The following SGCD variants were observed in gnomAD, a reference collection of about 807,000 sequenced individuals.
SGCD encodes delta-sarcoglycan.
In SGCD, 18 loss-of-function variants were observed where a neutral mutation model predicts 36.6. The ratio of observed to expected loss-of-function variants is 0.49; its 90% confidence interval spans 0.34 to 0.73. The LOEUF (loss-of-function observed/expected upper bound fraction) is 0.73, where lower values mean the gene tolerates loss of function less well. Among genes scored for constraint, SGCD ranks in the 30% least tolerant of loss-of-function variants. SGCD has a pLI of 0.01. For synonymous variants in SGCD, 133 were observed against 130.6 expected (o/e 1.02, Z -0.12); for missense variants, 387 against 346.7 (o/e 1.12, Z -0.92).
At chr5:155,969,972 A>G (rs548994632) in intron 1 of SGCD, among the ~76,000 whole-genome samples, 1 of 151,934 alleles carries the variant, frequency 6.6e-6, no homozygotes, top group East Asian at 1.9e-4. Context: ...TTGAAAAATG[A>G]AAGTTTTAGC....
chr5:156,520,337 T>C (rs1333985176), intron 4 of SGCD, among the ~76,000 whole-genome samples: 1 of 152,188 alleles, frequency 6.6e-6, no homozygotes, highest in Non-Finnish European at 1.5e-5. Flanking sequence ...TCAGGAGAGT[T>C]ACAAACTACT....
At chr5:156,495,558 T>C (rs112924450) in intron 3 of SGCD, among the ~76,000 whole-genome samples, 85 of 152,196 alleles carry the variant, frequency 5.6e-4, no homozygotes, top group African/African-American at 2.0e-3. Flanking sequence ...CATGAAGGAA[T>C]CTATTCTGGG....
intron 1 of SGCD, among the ~76,000 whole-genome samples, chr5:155,981,508 C>A (rs1015695264): frequency 6.6e-6 from 1 of 152,162 alleles, no homozygotes; most frequent in Non-Finnish European, 1.5e-5. Context: ...CCTTATCACA[C>A]AAATTTTTCT....
At chr5:156,151,718 T>A (rs1181360435) in intron 3 of SGCD, among the ~76,000 whole-genome samples, 1 of 151,644 alleles carries the variant, frequency 6.6e-6, no homozygotes, top group Non-Finnish European at 1.5e-5. Flanking sequence ...TGGAAGCCAA[T>A]GTAGAATACA....
intron 3 of SGCD, among the ~76,000 whole-genome samples, chr5:156,270,246 T>G (rs928669542): frequency 4.6e-5 from 7 of 152,182 alleles, no homozygotes; most frequent in African/African-American, 1.7e-4. Flanking sequence ...TTTGTACTAG[T>G]ACCATGCTGT....
upstream of SGCD, among the ~76,000 whole-genome samples, chr5:155,865,643 C>T (rs1009968488): frequency 2.0e-5 from 3 of 152,162 alleles, no homozygotes; most frequent in Non-Finnish European, 2.9e-5. Context: ...TAACATTACA[C>T]ATTGGTCATT....
rs554228753 is a variant in SGCD, at chr5:156,240,742, G to GT, written c.-43-88785dup. Among the ~76,000 whole-genome samples the GT allele has an allele frequency of 8.6e-5, 13 of 152,042 alleles. No individual in the cohort carries two copies. In the East Asian group the frequency reaches 2.5e-3, roughly 29 times the overall value. ...TTTTTGAGTTTTTGTTTTGTGTTTCGTTTTTTTAATTTTCACTTTTCTTGT... is the reference window on the plus strand; with the variant it reads ...TTTTTGAGTTTTTGTTTTGTGTTTCGTTTTTTTTAATTTTCACTTTTCTTGT... On this transcript the variant is annotated intron_variant, in intron 3 of 9. Transcript: ENST00000517913.
At position 156,162,939 on chromosome 5, in the gene SGCD, A is replaced by G. The variant is rs1204777078; in HGVS notation, c.-44+38920A>G. 2.6e-5 allele frequency among the ~76,000 whole-genome samples: 4 copies of G among 151,454 alleles called. No individual in the cohort carries two copies. The East Asian group carries it at 5.8e-4, about 22-fold the overall frequency. On this transcript the variant is annotated intron_variant, in intron 3 of 9. Transcript: ENST00000517913. ...CAGCCATTTATCTTCATGTCATCTA[A>G]TCATCTTGGTGTTTATCTAACTTCC...
intron 3 of SGCD, among the ~76,000 whole-genome samples, chr5:156,164,731 C>A (rs757656977): frequency 3.9e-5 from 6 of 152,184 alleles, no homozygotes; most frequent in Non-Finnish European, 5.9e-5. Flanking sequence ...CTTTCAATAT[C>A]AAATCAAAAC....
chr5:156,575,973 A>G (rs1759927005), intron 4 of SGCD, among the ~76,000 whole-genome samples: 1 of 152,128 alleles, frequency 6.6e-6, no homozygotes, highest in African/African-American at 2.4e-5. Context: ...CGTGCACAAC[A>G]TGCAGGTTTG....
At chr5:156,274,949 T>C (rs1287158045) in intron 3 of SGCD, among the ~76,000 whole-genome samples, 1 of 152,160 alleles carries the variant, frequency 6.6e-6, no homozygotes, top group South Asian at 2.1e-4. Flanking sequence ...TATTGAAGGA[T>C]AGCCTGAGAG....
rs569099880 is a variant in SGCD, at chr5:156,757,834, G to T, written c.699+130G>T. 3.0e-6 allele frequency: 4 copies of T among 1,352,486 alleles called. No homozygotes were observed. In the South Asian group the frequency reaches 7.0e-5, roughly 24 times the overall value. The allele number at this position is 1,352,486 out of a possible 1,614,324, so 83.8% of individuals were successfully genotyped here. A position where few individuals can be genotyped will look rare whatever the true frequency, so the allele number is the denominator to read the frequency against. On this transcript the variant is annotated intron_variant, in intron 8 of 8. Coordinates refer to ENST00000337851, the MANE Select transcript of SGCD (RefSeq NM_000337.6). ...AAGGAGCCAAGCAGGTTTTATTTCT[G>T]AAACAATTAATTGAGCAGCATGATT...
At chr5:156,501,202 TA>T (rs1326520602) in intron 3 of SGCD, among the ~76,000 whole-genome samples, 1 of 152,152 alleles carries the variant, frequency 6.6e-6, no homozygotes, top group African/African-American at 2.4e-5. Flanking sequence ...AGTGGGAGAA[TA>T]TCTCCTCCAC....
At chr5:156,546,400 G>A (rs1758571577) in intron 4 of SGCD, among the ~76,000 whole-genome samples, 2 of 152,202 alleles carry the variant, frequency 1.3e-5, no homozygotes, top group Admixed American at 1.3e-4. Flanking sequence ...CAGCAGGTAT[G>A]TAGATGTGTG....
chr5:155,869,263 G>A (rs994651861), upstream of SGCD, among the ~76,000 whole-genome samples: 1 of 152,104 alleles, frequency 6.6e-6, no homozygotes, highest in Non-Finnish European at 1.5e-5. Context: ...ACTATTCGGT[G>A]CCCACAACCT....
intron 3 of SGCD, among the ~76,000 whole-genome samples, chr5:156,274,811 A>G (rs1405849036): frequency 6.6e-6 from 1 of 152,132 alleles, no homozygotes; most frequent in African/African-American, 2.4e-5. Context: ...GCTGGTCACG[A>G]AATCTCTTGT....
chr5:156,610,468 C>A lies in SGCD; in HGVS notation c.502+15417C>A, dbSNP rs201537014. Among the ~76,000 whole-genome samples the A allele has an allele frequency of 8.5e-5, 13 of 152,210 alleles. No homozygotes were observed. The East Asian group carries it at 2.1e-3, about 25-fold the overall frequency. The stretch of plus-strand genomic sequence containing the variant: ...GTCTGCCCTATTGGAGGGTGCCTCC[C>A]AGTTAGGCTCCTCGGGGGTCAGGGA... On this transcript the variant is annotated intron_variant, in intron 6 of 8. Transcript: ENST00000337851.
At chr5:155,752,857 C>A in the SGCD span, among the ~76,000 whole-genome samples, 3 of 152,262 alleles carry the variant, frequency 2.0e-5, no homozygotes, top group East Asian at 5.8e-4. Flanking sequence ...ATGTTATGAT[C>A]CCTCTCTTAT....
chr5:156,208,055 A>G (rs1413215834), intron 3 of SGCD, among the ~76,000 whole-genome samples: 1 of 152,220 alleles, frequency 6.6e-6, no homozygotes. Context: ...GAGATAAAAT[A>G]TAAATCAATG....
Sources: gnomAD v4.1 joint callset for allele counts (sites outside exome capture counted in the v4.1 genomes callset) on GRCh38, gnomAD v4.1.1 for gene constraint, MANE v1.5 for transcripts, NCBI Gene and HGNC (gene_info 2026-07-23, HGNC 2026-07-21) for gene names.